The following CFAP77 variants were observed in gnomAD, a reference collection of about 807,000 sequenced individuals.
CFAP77 encodes the protein cilia and flagella associated protein 77, also known as cilia- and flagella-associated protein 77.
Under a neutral mutation model 31.1 loss-of-function variants are expected in CFAP77, and 25 were observed. The ratio of observed to expected loss-of-function variants is 0.80; its 90% confidence interval spans 0.59 to 1.12. CFAP77 has a LOEUF of 1.12. CFAP77 is among the 50% of genes most tolerant of loss of function. The pLI is 0.00. For missense variants in CFAP77, 377 were observed against 397.3 expected (o/e 0.95, Z 0.44); for synonymous variants, 151 against 159.9 (o/e 0.94, Z 0.42).
At chr9:132,415,614 G>A (rs11789562) in intron 1 of CFAP77, among the ~76,000 whole-genome samples, 20,615 of 152,212 alleles carry the variant, frequency 0.14, 1,645 homozygotes, top group East Asian at 0.38. Context: ...CAGGAAGGCC[G>A]TTCCTCCAGG....
chr9:132,488,230 G>A (rs1029893148), intron 1 of CFAP77, among the ~76,000 whole-genome samples: 2 of 152,112 alleles, frequency 1.3e-5, no homozygotes, highest in East Asian at 1.9e-4. Context: ...TGGAATGAAC[G>A]TCTTTGGTGG....
chr9:132,529,693 GC>G (rs1224924250), intron 3 of CFAP77, among the ~76,000 whole-genome samples: 1 of 151,558 alleles, frequency 6.6e-6, no homozygotes, highest in Admixed American at 6.6e-5. Context: ...GGGCGTGGTG[GC>G]AGGCACCTGT....
chr9:132,423,270 G>A (rs1251055088), intron 1 of CFAP77, among the ~76,000 whole-genome samples: 2 of 152,194 alleles, frequency 1.3e-5, no homozygotes, highest in Admixed American at 6.5e-5. Flanking sequence ...GATCTTCCCA[G>A]GATCACCTCA....
chr9:132,427,436 T>C (rs1339563973), intron 1 of CFAP77, among the ~76,000 whole-genome samples: 2 of 152,156 alleles, frequency 1.3e-5, no homozygotes, highest in Non-Finnish European at 2.9e-5. Flanking sequence ...TAGGGCTGCC[T>C]AACGAATGAC....
intron 1 of CFAP77, among the ~76,000 whole-genome samples, chr9:132,458,647 G>C (rs1850972794): frequency 9.6e-6 from 1 of 103,634 alleles, no homozygotes; most frequent in Admixed American, 9.6e-5. Flanking sequence ...CCTGTGTCCA[G>C]TAGGGTCACT....
At chr9:132,559,346 C>CAAAAAAAAAAATAAAAAAA (rs1852958454) in intron 5 of CFAP77, among the ~76,000 whole-genome samples, 1 of 56,082 alleles carries the variant, frequency 1.8e-5, no homozygotes, top group Non-Finnish European at 3.2e-5. Flanking sequence ...CTCTGTCTTG[C>CAAAAAAAAAAATAAAAAAA]AAAAAAAAAA....
intron 3 of CFAP77, among the ~76,000 whole-genome samples, chr9:132,509,728 C>T (rs1419417148): frequency 6.6e-6 from 1 of 152,118 alleles, no homozygotes; most frequent in Non-Finnish European, 1.5e-5. Context: ...AAGATTGCAC[C>T]ACTACACCCC....
intron 1 of CFAP77, among the ~76,000 whole-genome samples, chr9:132,446,713 C>T (rs1395621512): frequency 2.7e-5 from 4 of 146,458 alleles, no homozygotes; most frequent in African/African-American, 1.0e-4. Flanking sequence ...TGCACTCCAG[C>T]CTGGGCGACA....
chr9:132,486,241 C>T (rs1202946514), intron 1 of CFAP77, among the ~76,000 whole-genome samples: 5 of 149,418 alleles, frequency 3.3e-5, no homozygotes, highest in Non-Finnish European at 4.4e-5. Context: ...TATAGGCACC[C>T]GCCACCCCGC....
chr9:132,513,466 C>A, intron 3 of CFAP77: 2 of 1,307,752 alleles, frequency 1.5e-6, no homozygotes, highest in East Asian at 2.6e-5. Flanking sequence ...CCTGAGGACC[C>A]TCCCGAGGTT....
At position 132,410,410 on chromosome 9, in the gene CFAP77, A is replaced by G. The variant is rs747626032; in HGVS notation, c.139A>G (p.Asn47Asp). 6.9e-6 allele frequency: 11 copies of G among 1,601,882 alleles called. No homozygotes were observed. In the South Asian group the frequency reaches 1.2e-4, roughly 18 times the overall value. ...GGCGGACATCCGTTCCGGCATGGAGAACGAGCGGCTGGGGGTCGTGCGGGA... is the reference window on the plus strand; with the variant it reads ...GGCGGACATCCGTTCCGGCATGGAGGACGAGCGGCTGGGGGTCGTGCGGGA... Reference protein sequence around the residue: ...TVADIRSGMENERLGVVRDSM... With the variant: ...TVADIRSGMEDERLGVVRDSM... The change falls in exon 1 of 6, where the codon AAC becomes GAC. Residue 47 changes from asparagine (N) to aspartate (D), a missense_variant. Transcript: ENST00000393216.
At chr9:132,570,176 C>A (rs1054060573) in intron 5 of CFAP77, among the ~76,000 whole-genome samples, 5 of 152,206 alleles carry the variant, frequency 3.3e-5, no homozygotes, top group African/African-American at 1.2e-4. Context: ...CTGTGCAAGG[C>A]CTTCTCTCTT....
chr9:132,513,507 C>T (rs1852078427), intron 3 of CFAP77: 2 of 866,152 alleles, frequency 2.3e-6, no homozygotes, highest in African/African-American at 3.4e-5. Context: ...CCAGCGTGCC[C>T]AGTTTTGCTC....
At chr9:132,513,334 C>T (rs746714898) in intron 3 of CFAP77, 25 of 1,546,336 alleles carry the variant, frequency 1.6e-5, no homozygotes, top group Admixed American at 6.0e-5. Flanking sequence ...GGATTTAGCA[C>T]GCTAACCATC....
intron 3 of CFAP77, among the ~76,000 whole-genome samples, chr9:132,526,136 T>C (rs1852356031): frequency 6.6e-6 from 1 of 152,204 alleles, no homozygotes; most frequent in Non-Finnish European, 1.5e-5. Flanking sequence ...AATAAGTTTT[T>C]AGGTCAACCT....
intron 3 of CFAP77, among the ~76,000 whole-genome samples, chr9:132,509,864 G>A (rs1313757594): frequency 1.3e-5 from 2 of 152,042 alleles, no homozygotes; most frequent in African/African-American, 2.4e-5. Context: ...TCCACTCCCA[G>A]GAAGCCCAGC....
At chr9:132,436,652 T>C (rs946422399) in intron 1 of CFAP77, among the ~76,000 whole-genome samples, 2 of 152,180 alleles carry the variant, frequency 1.3e-5, no homozygotes, top group Non-Finnish European at 2.9e-5. Flanking sequence ...TACAACCTTT[T>C]GAAGACATTT....
chr9:132,514,459 C>T (rs190629537), intron 3 of CFAP77, among the ~76,000 whole-genome samples: 65 of 152,324 alleles, frequency 4.3e-4, no homozygotes, highest in East Asian at 3.1e-3. Flanking sequence ...TCACTACCTC[C>T]GGGCAGAGGT....
intron 1 of CFAP77, among the ~76,000 whole-genome samples, chr9:132,442,987 C>T (rs768526448): frequency 1.6e-4 from 25 of 152,252 alleles, no homozygotes; most frequent in Middle Eastern, 3.4e-3. Flanking sequence ...CCTCTGCCAA[C>T]CCCTGCTAAC....
Sources: gnomAD v4.1 joint callset for allele counts (sites outside exome capture counted in the v4.1 genomes callset) on GRCh38, gnomAD v4.1.1 for gene constraint, MANE v1.5 for transcripts, NCBI Gene and HGNC (gene_info 2026-07-23, HGNC 2026-07-21) for gene names.